KCND2: variants seen among roughly 807,000 people sequenced by gnomAD.
KCND2 encodes potassium voltage-gated channel subfamily D member 2.
KCND2 carries 16 observed loss-of-function variants against 54.4 expected under a neutral mutation model. The observed-to-expected ratio is 0.29, with a 90% confidence interval of 0.20 to 0.45. The LOEUF is 0.45. KCND2 is among the 20% of genes least tolerant of loss of function. The probability of loss-of-function intolerance (pLI) is 1.00; values close to 1 mark genes in which losing one functional copy is unlikely to be tolerated. For synonymous variants in KCND2, 317 were observed against 310.7 expected, an observed-to-expected ratio of 1.02 and a Z score of -0.21; for missense variants, 486 against 824.2, an observed-to-expected ratio of 0.59 and a Z score of 5.02.
intron 1 of KCND2, among the ~76,000 whole-genome samples, chr7:120,363,669 C>G (rs1800627237): frequency 6.6e-6 from 1 of 152,054 alleles, no homozygotes; most frequent in Non-Finnish European, 1.5e-5. Context: ...TCTGTCATAC[C>G]TAATTTTGAT....
chr7:120,662,579 A>AGG (rs1478913550), intron 1 of KCND2, among the ~76,000 whole-genome samples: 2 of 152,174 alleles, frequency 1.3e-5, no homozygotes, highest in Non-Finnish European at 2.9e-5. Flanking sequence ...GTGATGTGTG[A>AGG]GGGGAAGCAC....
At chr7:120,322,867 C>A (rs1034864444) in intron 1 of KCND2, among the ~76,000 whole-genome samples, 4 of 151,194 alleles carry the variant, frequency 2.6e-5, no homozygotes, top group Non-Finnish European at 4.4e-5. Flanking sequence ...TTATCTAGTG[C>A]CATTAAATTG....
intron 1 of KCND2, among the ~76,000 whole-genome samples, chr7:120,339,869 A>G (rs572761407): frequency 2.6e-5 from 4 of 152,304 alleles, no homozygotes; most frequent in Admixed American, 2.6e-4. Flanking sequence ...GGGAATATCT[A>G]AGCAGATATC....
intron 1 of KCND2, among the ~76,000 whole-genome samples, chr7:120,373,937 A>AT (rs1213188937): frequency 6.6e-6 from 1 of 151,788 alleles, no homozygotes; most frequent in East Asian, 1.9e-4. Flanking sequence ...ATAGATAGTA[A>AT]TTATATATTC....
chr7:120,712,290 G>T (rs1792550787), intron 1 of KCND2, among the ~76,000 whole-genome samples: 1 of 79,000 alleles, frequency 1.3e-5, no homozygotes, highest in African/African-American at 5.0e-5. Flanking sequence ...TTGAGATGGG[G>T]TCTTGCTCTT....
chr7:120,391,560 G>T (rs151184974), intron 1 of KCND2, among the ~76,000 whole-genome samples: 2 of 151,898 alleles, frequency 1.3e-5, no homozygotes, highest in African/African-American at 4.8e-5. Context: ...CTATTTCTCC[G>T]CAACCTCGTC....
chr7:120,654,484 T>A (rs1791776515), intron 1 of KCND2, among the ~76,000 whole-genome samples: 1 of 152,210 alleles, frequency 6.6e-6, no homozygotes, highest in Admixed American at 6.5e-5. Context: ...GAATGCATTC[T>A]GCAGACATAT....
chr7:120,511,599 T>A (rs1180530979), intron 1 of KCND2, among the ~76,000 whole-genome samples: 4 of 152,184 alleles, frequency 2.6e-5, no homozygotes. Flanking sequence ...TTGAATACAG[T>A]AAATTGTTAC....
intron 1 of KCND2, among the ~76,000 whole-genome samples, chr7:120,426,877 C>G (rs1801716053): frequency 1.3e-5 from 2 of 152,130 alleles, no homozygotes. Flanking sequence ...GCTTCAGCCT[C>G]CTAAAGTGCT....
At chr7:120,566,714 T>C (rs1792302923) in intron 1 of KCND2, among the ~76,000 whole-genome samples, 1 of 151,614 alleles carries the variant, frequency 6.6e-6, no homozygotes, top group South Asian at 2.1e-4. Flanking sequence ...TTAAATAAAT[T>C]GGCATGACAG....
chr7:120,742,656 C>T, intron 4 of KCND2, 54 bp downstream of exon 4: 1 of 1,343,838 alleles, frequency 7.4e-7, no homozygotes, highest in Non-Finnish European at 1.1e-6. Flanking sequence ...ATTCCATTTG[C>T]TTTTGTGCAT....
intron 1 of KCND2, among the ~76,000 whole-genome samples, chr7:120,637,815 A>G (rs1324565104): frequency 1.3e-5 from 2 of 152,132 alleles, no homozygotes; most frequent in Non-Finnish European, 2.9e-5. Context: ...TACGATAAAC[A>G]TCATAGAGTT....
chr7:120,536,639 A>G (rs1004978931), intron 1 of KCND2, among the ~76,000 whole-genome samples: 1 of 152,146 alleles, frequency 6.6e-6, no homozygotes, highest in African/African-American at 2.4e-5. Flanking sequence ...CCATCTCAAG[A>G]AACTACTCTT....
chr7:120,698,639 A>G (rs1792361636), intron 1 of KCND2, among the ~76,000 whole-genome samples: 2 of 152,240 alleles, frequency 1.3e-5, no homozygotes, highest in African/African-American at 4.8e-5. Flanking sequence ...TCATTCAACA[A>G]ATATTTGATG....
At chr7:120,428,715 G>T (rs981138578) in intron 1 of KCND2, among the ~76,000 whole-genome samples, 3 of 152,254 alleles carry the variant, frequency 2.0e-5, no homozygotes, top group African/African-American at 7.2e-5. Context: ...CCAGCACAGT[G>T]CATAACATTT....
rs181638292 is a variant in KCND2, at chr7:120,372,494, A to G, written c.1115+96747A>G. On this transcript the variant is annotated intron_variant, in intron 1 of 5. Coordinates refer to ENST00000331113, the MANE Select transcript of KCND2 (RefSeq NM_012281.3). Reference sequence around the variant, plus strand: ...TTTACTCTGCAAATAATTTACTTCAATACATTTAAAAACTCAAGTTTTGTT... The same window carrying G: ...TTTACTCTGCAAATAATTTACTTCAGTACATTTAAAAACTCAAGTTTTGTT... Among the ~76,000 whole-genome samples the G allele has an allele frequency of 6.8e-4, 104 of 151,996 alleles. 1 individual carries two copies. Among genetic ancestry groups the G allele is most frequent in the Admixed American group, 6.8e-3 (103 of 15,212 alleles).
intron 1 of KCND2, among the ~76,000 whole-genome samples, chr7:120,430,583 A>G (rs1801774492): frequency 6.6e-6 from 1 of 152,204 alleles, no homozygotes; most frequent in Admixed American, 6.5e-5. Context: ...TATAGATTTC[A>G]TGTTGAAATC....
chr7:120,596,789 C>T (rs1792751235), intron 1 of KCND2, among the ~76,000 whole-genome samples: 1 of 152,094 alleles, frequency 6.6e-6, no homozygotes, highest in African/African-American at 2.4e-5. Context: ...AGTGTCCACC[C>T]CAATGAAGTT....
At chr7:120,438,720 A>T (rs560732038) in intron 1 of KCND2, among the ~76,000 whole-genome samples, 25 of 152,110 alleles carry the variant, frequency 1.6e-4, no homozygotes, top group Non-Finnish European at 3.4e-4. Flanking sequence ...GAAAAAATAT[A>T]TTATGGGAAG....
Sources: gnomAD v4.1 joint callset for allele counts (sites outside exome capture counted in the v4.1 genomes callset) on GRCh38, gnomAD v4.1.1 for gene constraint, MANE v1.5 for transcripts, NCBI Gene and HGNC (gene_info 2026-07-23, HGNC 2026-07-21) for gene names.